Variants in FAM107B observed in about 807,000 individuals in gnomAD.
The protein encoded by FAM107B is protein FAM107B.
In FAM107B, 21 loss-of-function variants were observed where a neutral mutation model predicts 31.5. That is an observed-to-expected ratio of 0.67 (90% CI 0.47 to 0.96). FAM107B has a LOEUF of 0.96. FAM107B is among the 40% of genes least tolerant of loss of function. FAM107B has a pLI of 0.00. For synonymous variants in FAM107B, 157 were observed against 141.5 expected, an observed-to-expected ratio of 1.11 and a Z score of -0.78; for missense variants, 452 against 377.1, an observed-to-expected ratio of 1.20 and a Z score of -1.64.
At position 14,754,991 on chromosome 10, in the gene FAM107B, T is replaced by C. The variant is rs545790796; in HGVS notation, c.411+19262A>G. On this transcript the variant is annotated intron_variant, in intron 1 of 4. Coordinates refer to ENST00000181796, the MANE Select transcript of FAM107B (RefSeq NM_031453.4). ...TCCTAACTGCGTTTCTGAGGTCATC[T>C]CTGCTTACCAGGGCCAGGAATTGAG... is the stretch of plus-strand genomic sequence containing the variant. Among the ~76,000 whole-genome samples the C allele has an allele frequency of 3.2e-4, 48 of 152,350 alleles. No homozygotes were observed. The South Asian group carries it at 9.3e-3, about 30-fold the overall frequency.
chr10:14,543,709 A>AC (rs973515848), intron 2 of FAM107B, among the ~76,000 whole-genome samples: 2 of 149,702 alleles, frequency 1.3e-5, no homozygotes, highest in African/African-American at 2.5e-5. Flanking sequence ...AAAAAAAAAA[A>AC]CCAAAAACTC....
chr10:14,575,954 G>A (rs913223037), intron 2 of FAM107B, among the ~76,000 whole-genome samples: 28 of 152,146 alleles, frequency 1.8e-4, no homozygotes, highest in Admixed American at 9.8e-4. Context: ...ACATAGACAG[G>A]TCTTGAAGAC....
chr10:14,550,297 C>T (rs112846085), intron 2 of FAM107B, among the ~76,000 whole-genome samples: 3,374 of 152,286 alleles, frequency 0.022, 65 homozygotes, highest in East Asian at 0.09. Flanking sequence ...AATAGTCACT[C>T]CTTCCCCACT....
chr10:14,558,522 A>G (rs1326884397), intron 2 of FAM107B, among the ~76,000 whole-genome samples: 1 of 152,230 alleles, frequency 6.6e-6, no homozygotes, highest in South Asian at 2.1e-4. Flanking sequence ...ATTGGATGGC[A>G]ATTTCCAGAA....
intron 1 of FAM107B, among the ~76,000 whole-genome samples, chr10:14,733,333 T>C (rs1349183985): frequency 5.3e-5 from 8 of 152,102 alleles, no homozygotes; most frequent in African/African-American, 1.9e-4. Flanking sequence ...GAGATCACAT[T>C]TTACTTCAAT....
At chr10:14,771,017 C>T (rs1833290460) in intron 1 of FAM107B, among the ~76,000 whole-genome samples, 1 of 149,064 alleles carries the variant, frequency 6.7e-6, no homozygotes, top group African/African-American at 2.5e-5. Flanking sequence ...TTATTTGTGG[C>T]CTCTACAGAG....
At chr10:14,542,669 C>A (rs1564545539) in intron 2 of FAM107B, 1 of 152,220 alleles carries the variant, frequency 6.6e-6, no homozygotes, top group Admixed American at 6.5e-5. Context: ...ATTCTGTCTT[C>A]ATTTGATCTT....
chr10:14,645,782 C>T (rs1588679863), intron 2 of FAM107B, among the ~76,000 whole-genome samples: 1 of 152,260 alleles, frequency 6.6e-6, no homozygotes, highest in South Asian at 2.1e-4. Context: ...TAAATTCTCT[C>T]CCTGATTTCT....
chr10:14,703,303 G>A (rs1855444790), intron 1 of FAM107B, among the ~76,000 whole-genome samples: 1 of 149,742 alleles, frequency 6.7e-6, no homozygotes, highest in Admixed American at 6.6e-5. Flanking sequence ...GTCTTCCTAA[G>A]TTTGTTTCCT....
At chr10:14,655,712 G>A (rs531648504) in intron 2 of FAM107B, among the ~76,000 whole-genome samples, 18 of 152,352 alleles carry the variant, frequency 1.2e-4, no homozygotes, top group East Asian at 7.7e-4. Flanking sequence ...GTGGGAAGCC[G>A]GGACAGGGGA....
At chr10:14,701,111 A>G (rs1855389169) in intron 1 of FAM107B, among the ~76,000 whole-genome samples, 1 of 152,208 alleles carries the variant, frequency 6.6e-6, no homozygotes, top group African/African-American at 2.4e-5. Context: ...TTAATGTCCT[A>G]ATTTCACCTT....
At chr10:14,712,872 T>C (rs999039290) in intron 1 of FAM107B, among the ~76,000 whole-genome samples, 6 of 152,218 alleles carry the variant, frequency 3.9e-5, no homozygotes, top group Admixed American at 2.0e-4. Flanking sequence ...CCTTGGGCTC[T>C]AGTTTCTAGC....
intron 1 of FAM107B, among the ~76,000 whole-genome samples, chr10:14,767,055 T>TAGAGAGAGAGAGAGAG (rs1186875187): frequency 5.5e-5 from 1 of 18,280 alleles, no homozygotes; most frequent in East Asian, 3.8e-3. Flanking sequence ...TATATATATA[T>TAGAGAGAGAGAGAGAG]AGAGAGAGAG....
chr10:14,646,446 G>C (rs1265641994), intron 2 of FAM107B, among the ~76,000 whole-genome samples: 1 of 152,144 alleles, frequency 6.6e-6, no homozygotes, highest in African/African-American at 2.4e-5. Context: ...TTCCATTCCT[G>C]AGTTACTTCA....
At chr10:14,556,291 G>A (rs979998754) in intron 2 of FAM107B, 9 of 951,628 alleles carry the variant, frequency 9.5e-6, no homozygotes, top group Middle Eastern at 5.3e-4. Flanking sequence ...ATTTGATATC[G>A]GAAATTTACA....
chr10:14,556,470 A>G (rs1849708907), intron 2 of FAM107B: 3 of 958,472 alleles, frequency 3.1e-6, no homozygotes, highest in Non-Finnish European at 1.2e-6. Context: ...CACAATATTC[A>G]TATTTGTCAA....
chr10:14,706,326 A>AC (rs760095846), intron 1 of FAM107B, among the ~76,000 whole-genome samples: 360 of 152,110 alleles, frequency 2.4e-3, no homozygotes, highest in Non-Finnish European at 4.4e-3. Context: ...TAAGACAGCT[A>AC]AAGTATCCCT....
At chr10:14,682,354 C>G (rs888869360) in intron 1 of FAM107B, among the ~76,000 whole-genome samples, 1 of 152,056 alleles carries the variant, frequency 6.6e-6, no homozygotes, top group African/African-American at 2.4e-5. Context: ...CATAGTGAAA[C>G]CTCGCCTCTA....
chr10:14,638,743 G>A (rs554141393), intron 2 of FAM107B, among the ~76,000 whole-genome samples: 7 of 152,016 alleles, frequency 4.6e-5, no homozygotes, highest in South Asian at 4.2e-4. Context: ...TCCTTTTGCC[G>A]TGCTGCAGCC....
Sources: gnomAD v4.1 joint callset for allele counts (sites outside exome capture counted in the v4.1 genomes callset) on GRCh38, gnomAD v4.1.1 for gene constraint, MANE v1.5 for transcripts, NCBI Gene and HGNC (gene_info 2026-07-23, HGNC 2026-07-21) for gene names.